The following CADPS variants were observed in gnomAD, a reference collection of about 807,000 sequenced individuals.
The protein encoded by CADPS is calcium-dependent secretion activator 1.
In CADPS, 57 loss-of-function variants were observed where a neutral mutation model predicts 167.3. That is an observed-to-expected ratio of 0.34 (90% confidence interval 0.28 to 0.42). The LOEUF is 0.42. CADPS is among the 20% of genes least tolerant of loss of function. The pLI, the probability that CADPS is intolerant of heterozygous loss-of-function variation, is 1.00. For missense variants in CADPS, 1,414 were observed against 1,738.1 expected, an observed-to-expected ratio of 0.81 and a Z score of 3.32; for synonymous variants, 676 against 635.3, an observed-to-expected ratio of 1.06 and a Z score of -0.96.
At chr3:62,810,719 C>T (rs2094353873) in intron 1 of CADPS, among the ~76,000 whole-genome samples, 1 of 152,226 alleles carries the variant, frequency 6.6e-6, no homozygotes, top group Non-Finnish European at 1.5e-5. Context: ...TAGCTTCACT[C>T]TTGAGTGTCT....
In CADPS at chr3:62,861,436, G is replaced by A. The variant is rs187318600; in HGVS notation, c.441+13153C>T. ...ATGAAGACAAAGATCAACAATTGCT[G>A]TAGGGAAATGCCTTTGAACTATTGA... On this transcript the variant is annotated intron_variant, in intron 1 of 29. Coordinates refer to ENST00000383710, the MANE Select transcript of CADPS (RefSeq NM_003716.4). Among the ~76,000 whole-genome samples, 15 of 152,276 alleles carry A rather than the reference G, an allele frequency of 9.9e-5. No individual in the cohort carries two copies. In the Middle Eastern group the frequency reaches 0.01, roughly 104 times the overall value.
intron 3 of CADPS, among the ~76,000 whole-genome samples, chr3:62,703,204 G>A (rs951114722): frequency 3.9e-5 from 6 of 152,056 alleles, no homozygotes; most frequent in Non-Finnish European, 8.8e-5. Flanking sequence ...ATGTGTGTAC[G>A]CCCTTCAACT....
At chr3:62,667,650 A>G (rs1345092934) in intron 3 of CADPS, among the ~76,000 whole-genome samples, 1 of 152,152 alleles carries the variant, frequency 6.6e-6, no homozygotes, top group East Asian at 1.9e-4. Flanking sequence ...CATGAGCAAG[A>G]AATCCTACAC....
At chr3:62,719,718 G>T (rs1187607118) in intron 3 of CADPS, among the ~76,000 whole-genome samples, 1 of 152,152 alleles carries the variant, frequency 6.6e-6, no homozygotes. Flanking sequence ...CTAAGGAAAG[G>T]CTCATCCTAC....
In CADPS at chr3:62,874,351, C is replaced by A. The variant is rs2083251809; in HGVS notation, c.441+238G>T. ...CCCGGGCTGGGGGGGCTCGAGCAAG[C>A]GGCGCTGCGCTCCGCGGCCCTCGCC... On this transcript the variant is annotated intron_variant, in intron 1 of 29. Transcript: ENST00000383710. This position sits in a 1 kb window ranked among gnomAD's most constrained non-coding sequence, Gnocchi z 7.1. Among the ~76,000 whole-genome samples, 2 of 152,302 alleles carry A rather than the reference C, an allele frequency of 1.3e-5. No homozygotes were observed. The highest frequency in any genetic ancestry group is 6.5e-5 in the Admixed American group (1 of 15,308).
chr3:62,434,712 A>G (rs2054632290), intron 28 of CADPS, among the ~76,000 whole-genome samples: 1 of 152,214 alleles, frequency 6.6e-6, no homozygotes, highest in Non-Finnish European at 1.5e-5. Context: ...AAACTAGCTC[A>G]GAGAGCACTG....
intron 11 of CADPS, among the ~76,000 whole-genome samples, chr3:62,546,259 C>T (rs1019213925): frequency 6.6e-6 from 1 of 151,684 alleles, no homozygotes; most frequent in Non-Finnish European, 1.5e-5. Flanking sequence ...AAAATTTGTT[C>T]TTTACAACTA....
intron 1 of CADPS, among the ~76,000 whole-genome samples, chr3:62,804,833 T>C (rs1275192728): frequency 1.3e-5 from 2 of 152,150 alleles, no homozygotes; most frequent in African/African-American, 2.4e-5. Context: ...AATCACATAG[T>C]GTTGAAGTGC....
intron 17 of CADPS, among the ~76,000 whole-genome samples, chr3:62,505,515 C>T (rs946745439): frequency 2.0e-5 from 3 of 152,172 alleles, no homozygotes; most frequent in Admixed American, 2.0e-4. Context: ...ATCATTTCCA[C>T]CTCAACTGTT....
intron 1 of CADPS, among the ~76,000 whole-genome samples, chr3:62,823,835 G>A (rs1304367730): frequency 1.3e-5 from 2 of 152,134 alleles, no homozygotes; most frequent in Non-Finnish European, 2.9e-5. Flanking sequence ...CCTTTCCTGG[G>A]AATAAACTGA....
At position 62,620,816 on chromosome 3, in the gene CADPS, T is replaced by C. The variant is rs116507379; in HGVS notation, c.1325+24906A>G. Among the ~76,000 whole-genome samples the C allele has an allele frequency of 7.8e-3, 1,192 of 152,278 alleles. 11 individuals are homozygous for C. Among genetic ancestry groups the C allele is most frequent in the African/African-American group, 0.027 (1,118 of 41,570 alleles). On this transcript the variant is annotated intron_variant, in intron 6 of 29. Transcript: ENST00000383710. ...GCCTCCACCACCTGTGACAGCCTGG[T>C]ACCTGTGACTGAGGGCCTGGAAGGG... is the stretch of plus-strand genomic sequence containing the variant.
At chr3:62,715,753 C>CTTTTTTTTTTTTTTTTTTTTTTT (rs71123291) in intron 3 of CADPS, among the ~76,000 whole-genome samples, 4 of 89,714 alleles carry the variant, frequency 4.5e-5, no homozygotes, top group Admixed American at 1.6e-4. Context: ...GATTATAAAT[C>CTTTTTTTTTTTTTTTTTTTTTTT]TTTTTTTTTT....
At chr3:62,799,768 G>C (rs567958870) in intron 1 of CADPS, among the ~76,000 whole-genome samples, 16 of 152,076 alleles carry the variant, frequency 1.1e-4, no homozygotes, top group Admixed American at 2.0e-4. Flanking sequence ...TGGGAAATGG[G>C]AGCTCAATAA....
chr3:62,671,801 C>A (rs2075555426), intron 3 of CADPS, among the ~76,000 whole-genome samples: 2 of 152,010 alleles, frequency 1.3e-5, no homozygotes, highest in Admixed American at 6.6e-5. Context: ...CTTGCTCTGT[C>A]GCCAGGCTGG....
At chr3:62,520,832 A>T (rs2070355342) in intron 13 of CADPS, among the ~76,000 whole-genome samples, 1 of 152,108 alleles carries the variant, frequency 6.6e-6, no homozygotes, top group African/African-American at 2.4e-5. Context: ...AAGCAAAAGG[A>T]TCCCTTTTTT....
intron 17 of CADPS, among the ~76,000 whole-genome samples, chr3:62,507,451 G>A (rs889123292): frequency 2.0e-5 from 3 of 151,258 alleles, no homozygotes; most frequent in Non-Finnish European, 4.4e-5. Flanking sequence ...TAGGGAGCAT[G>A]ACTGCTTTTG....
intron 3 of CADPS, among the ~76,000 whole-genome samples, chr3:62,667,104 C>T (rs2074589176): frequency 7.0e-6 from 1 of 143,868 alleles, no homozygotes; most frequent in Non-Finnish European, 1.5e-5. Flanking sequence ...TCTTTCTGAA[C>T]CTCAGTTTCC....
At chr3:62,660,706 T>C (rs1247731380) in intron 4 of CADPS, among the ~76,000 whole-genome samples, 1 of 152,072 alleles carries the variant, frequency 6.6e-6, no homozygotes, top group African/African-American at 2.4e-5. Flanking sequence ...CCCACCCTCA[T>C]ATGCCCACAG....
At chr3:62,506,371 G>C (rs867290604) in intron 17 of CADPS, among the ~76,000 whole-genome samples, 2 of 152,162 alleles carry the variant, frequency 1.3e-5, no homozygotes, top group South Asian at 2.1e-4. Flanking sequence ...CTGGGTGACA[G>C]AGCAAGACTC....
Sources: allele counts gnomAD v4.1 joint callset (sites outside exome capture counted in the v4.1 genomes callset), GRCh38; gene constraint gnomAD v4.1.1; non-coding constraint Gnocchi (gnomAD v3.1); transcripts MANE v1.5; gene names NCBI Gene and HGNC (gene_info 2026-07-23, HGNC 2026-07-21).